AK9: variants seen among roughly 807,000 people sequenced by gnomAD.
AK9 encodes the protein adenylate kinase domain containing 1.
A neutral mutation model predicts 239.6 loss-of-function variants in AK9; 191 were observed. That is an observed-to-expected ratio of 0.80 (90% CI 0.71 to 0.90). AK9 has a LOEUF of 0.90. AK9 is among the 40% of genes least tolerant of loss of function. The pLI, the probability that AK9 is intolerant of heterozygous loss-of-function variation, is 0.00. For synonymous variants in AK9, 689 were observed against 721.0 expected, an observed-to-expected ratio of 0.96 and a Z score of 0.71; for missense variants, 1,995 against 2,214.7, an observed-to-expected ratio of 0.90 and a Z score of 1.99.
chr6:109,544,474 G>A (rs1783281117), intron 26 of AK9, among the ~76,000 whole-genome samples: 1 of 152,044 alleles, frequency 6.6e-6, no homozygotes, highest in African/African-American at 2.4e-5. Context: ...TACCCCCTTG[G>A]TACTGTCATG....
intron 1 of AK9, among the ~76,000 whole-genome samples, chr6:109,687,781 G>A (rs560363556): frequency 8.5e-5 from 13 of 152,312 alleles, no homozygotes; most frequent in South Asian, 6.2e-4. Flanking sequence ...CATGGAAACC[G>A]TGCGATCACA....
At chr6:109,674,870 T>C (rs1334599026) in intron 2 of AK9, among the ~76,000 whole-genome samples, 2 of 152,234 alleles carry the variant, frequency 1.3e-5, no homozygotes, top group Non-Finnish European at 2.9e-5. Context: ...AAGTCAAGGA[T>C]GGGATCCAGC....
chr6:109,499,520 T>A (rs1166800591), intron 35 of AK9, among the ~76,000 whole-genome samples: 2 of 152,214 alleles, frequency 1.3e-5, no homozygotes, highest in Non-Finnish European at 2.9e-5. Context: ...TGTGCCACTA[T>A]ACTATAAACA....
intron 17 of AK9, among the ~76,000 whole-genome samples, chr6:109,604,921 AC>A (rs1440466794): frequency 6.6e-6 from 1 of 152,148 alleles, no homozygotes; most frequent in Non-Finnish European, 1.5e-5. Flanking sequence ...TAGTTACATT[AC>A]ATTTATGTTC....
intron 12 of AK9, among the ~76,000 whole-genome samples, chr6:109,624,413 G>A (rs1795273219): frequency 1.3e-5 from 2 of 152,116 alleles, no homozygotes; most frequent in Non-Finnish European, 2.9e-5. Context: ...AAGAATACAT[G>A]AGAGGCAATT....
chr6:109,580,183 G>A, intron 19 of AK9, among the ~76,000 whole-genome samples: 1 of 151,630 alleles, frequency 6.6e-6, no homozygotes, highest in Admixed American at 6.6e-5. Context: ...TTTCTAATAA[G>A]AAAAAAACCC....
In AK9 at chr6:109,587,627, G is replaced by A. The variant is rs146286446; in HGVS notation, c.1843-1555C>T. Among the ~76,000 whole-genome samples, 1,218 of 152,214 alleles carry A rather than the reference G, an allele frequency of 8.0e-3. 26 individuals carry two copies. Among genetic ancestry groups the A allele is most frequent in the African/African-American group, 0.028 (1,166 of 41,542 alleles). On this transcript the variant is annotated intron_variant, in intron 17 of 40. Coordinates refer to ENST00000424296, the MANE Select transcript of AK9 (RefSeq NM_001145128.3). Reference sequence around the variant, plus strand: ...GTATTTGTCTTTCTGTGTCTGAGTTGTTTCACTTAAGATAATGGCCTCCAG... The same window carrying A: ...GTATTTGTCTTTCTGTGTCTGAGTTATTTCACTTAAGATAATGGCCTCCAG...
intron 20 of AK9, among the ~76,000 whole-genome samples, chr6:109,576,102 A>C (rs1033310793): frequency 2.0e-5 from 3 of 152,044 alleles, no homozygotes; most frequent in Non-Finnish European, 4.4e-5. Context: ...AAGTTGGGTA[A>C]TGTGATGCCT....
chr6:109,501,001 TCAAA>T (rs995531377), intron 35 of AK9, among the ~76,000 whole-genome samples: 17 of 142,902 alleles, frequency 1.2e-4, no homozygotes, highest in African/African-American at 3.8e-4. Context: ...AGTGAGACTC[TCAAA>T]CAAACAAACA....
chr6:109,509,143 CT>C (rs1778418949), intron 33 of AK9, 35 bp downstream of exon 33: 11 of 1,523,544 alleles, frequency 7.2e-6, no homozygotes, highest in Non-Finnish European at 9.7e-6. Context: ...AAAGATTTAA[CT>C]CCCTCTGTCC....
At chr6:109,593,328 C>A (rs1410961445) in intron 17 of AK9, among the ~76,000 whole-genome samples, 1 of 151,892 alleles carries the variant, frequency 6.6e-6, no homozygotes, top group East Asian at 1.9e-4. Flanking sequence ...AAAGTCAAGT[C>A]CCTGAACAGA....
intron 6 of AK9, chr6:109,661,090 A>C (rs1021045826): frequency 2.5e-5 from 8 of 315,614 alleles, no homozygotes; most frequent in African/African-American, 1.7e-4. Flanking sequence ...TAGAAATTCC[A>C]GGCTTATTCC....
At chr6:109,499,310 A>G in intron 35 of AK9, 70 bp from the exon 36 acceptor site, 4 of 1,232,682 alleles carry the variant, frequency 3.2e-6, no homozygotes, top group Non-Finnish European at 4.3e-6. Flanking sequence ...TTAGAAATTA[A>G]AATAATTTTA....
chr6:109,504,722 T>C (rs1047692913), intron 35 of AK9, among the ~76,000 whole-genome samples: 1 of 152,134 alleles, frequency 6.6e-6, no homozygotes, highest in African/African-American at 2.4e-5. Flanking sequence ...GGCACAAGAA[T>C]TGCTTGAACC....
chr6:109,630,296 T>C (rs769642374), intron 12 of AK9, among the ~76,000 whole-genome samples: 3 of 152,150 alleles, frequency 2.0e-5, no homozygotes, highest in Non-Finnish European at 4.4e-5. Flanking sequence ...AAATGTATCA[T>C]GTTTATGGAC....
chr6:109,620,838 A>C (rs1159773816), intron 12 of AK9, among the ~76,000 whole-genome samples: 1 of 151,270 alleles, frequency 6.6e-6, no homozygotes, highest in Non-Finnish European at 1.5e-5. Context: ...ACCATATACT[A>C]TATATACTAT....
At chr6:109,662,096 C>T (rs1800500255) in intron 6 of AK9, among the ~76,000 whole-genome samples, 2 of 152,116 alleles carry the variant, frequency 1.3e-5, no homozygotes, top group African/African-American at 4.8e-5. Flanking sequence ...ATGAGCAAGA[C>T]ATGGTTCCTA....
chr6:109,592,446 C>CTTTTTTTTTTTTTTTTTTTTTTTT (rs55998817), intron 17 of AK9, among the ~76,000 whole-genome samples: 1 of 126,760 alleles, frequency 7.9e-6, no homozygotes. Context: ...AATGGGATTT[C>CTTTTTTTTTTTTTTTTTTTTTTTT]TTTTTTTTTT....
At chr6:109,495,263 AATG>A in intron 39 of AK9, 72 bp downstream of exon 39, 2 of 1,190,956 alleles carry the variant, frequency 1.7e-6, no homozygotes, top group Non-Finnish European at 2.3e-6. Flanking sequence ...TTGTTCCCAA[AATG>A]AAAATTAGTG....
Sources: gnomAD v4.1 joint callset for allele counts (sites outside exome capture counted in the v4.1 genomes callset) on GRCh38, gnomAD v4.1.1 for gene constraint, MANE v1.5 for transcripts, NCBI Gene and HGNC (gene_info 2026-07-23, HGNC 2026-07-21) for gene names.